Variants in TET1 observed in about 807,000 individuals in gnomAD.
TET1 encodes the protein tet methylcytosine dioxygenase 1, also known as methylcytosine dioxygenase TET1.
A neutral mutation model predicts 148.7 loss-of-function variants in TET1; 13 were observed. That is an observed-to-expected ratio of 0.09 (90% confidence interval 0.06 to 0.14). The LOEUF (loss-of-function observed/expected upper bound fraction) is 0.14. Among genes scored for constraint, TET1 ranks in the 10% least tolerant of loss-of-function variants. The pLI is 1.00. For missense variants in TET1, 2,182 were observed against 2,553.8 expected (o/e 0.85, Z 3.14); for synonymous variants, 907 against 937.2 (o/e 0.97, Z 0.59).
chr10:68,640,773 T>A (rs574173149), intron 3 of TET1, among the ~76,000 whole-genome samples: 3 of 151,062 alleles, frequency 2.0e-5, no homozygotes, highest in Non-Finnish European at 4.4e-5. Flanking sequence ...GGATGGTCTC[T>A]ATCTCCTGAC....
chr10:68,568,873 A>G (rs2053635668), intron 1 of TET1, among the ~76,000 whole-genome samples: 1 of 151,946 alleles, frequency 6.6e-6, no homozygotes, highest in African/African-American at 2.4e-5. Context: ...AAAGAAAAAG[A>G]CCTGTGGGAT....
At chr10:68,591,691 A>C (rs1402151237) in intron 2 of TET1, among the ~76,000 whole-genome samples, 1 of 151,996 alleles carries the variant, frequency 6.6e-6, no homozygotes, top group Non-Finnish European at 1.5e-5. Flanking sequence ...TCATGAGATC[A>C]GGAGATTGAG....
intron 5 of TET1, among the ~76,000 whole-genome samples, chr10:68,652,229 G>A (rs1332107423): frequency 1.3e-5 from 2 of 152,166 alleles, no homozygotes; most frequent in African/African-American, 4.8e-5. Context: ...TACCACCCTT[G>A]ACACTGCATA....
At chr10:68,610,142 G>A (rs866752023) in intron 3 of TET1, among the ~76,000 whole-genome samples, 2 of 152,036 alleles carry the variant, frequency 1.3e-5, no homozygotes, top group Non-Finnish European at 2.9e-5. Flanking sequence ...AATTAGCCAG[G>A]CGTGGTGGCG....
intron 3 of TET1, among the ~76,000 whole-genome samples, chr10:68,628,960 G>T (rs1000567907): frequency 2.6e-5 from 4 of 152,164 alleles, no homozygotes; most frequent in African/African-American, 9.7e-5. Context: ...CTGACTTTGT[G>T]ATTTCATTTC....
intron 2 of TET1, among the ~76,000 whole-genome samples, chr10:68,583,528 T>A (rs7912984): frequency 0.34 from 51,928 of 152,050 alleles, 9,177 homozygotes; most frequent in Middle Eastern, 0.44. Flanking sequence ...AAGAGAAATT[T>A]TGCTTTTTAC....
intron 3 of TET1, among the ~76,000 whole-genome samples, chr10:68,612,121 A>G (rs2054225169): frequency 7.0e-6 from 1 of 143,166 alleles, no homozygotes; most frequent in Non-Finnish European, 1.5e-5. Context: ...ACAGAGTCTC[A>G]CTCTGTCACC....
At chr10:68,610,237 T>C (rs1589073521) in intron 3 of TET1, among the ~76,000 whole-genome samples, 1 of 151,694 alleles carries the variant, frequency 6.6e-6, no homozygotes, top group East Asian at 1.9e-4. Flanking sequence ...GAGCTGATAT[T>C]GCGCCACTGC....
rs10998282 is a variant in TET1, at chr10:68,567,451, C to T, written c.-122-4766C>T. On this transcript the variant is annotated intron_variant, in intron 1 of 11. Transcript: ENST00000373644. ...CTGGGATTACAGGCATATACCACCA[C>T]GCCCGGCTAATTTTGTATTTTTAGT... Among the ~76,000 whole-genome samples the T allele has an allele frequency of 3.7e-3, 566 of 151,860 alleles. 4 individuals carry two copies. Among genetic ancestry groups the T allele is most frequent in the African/African-American group, 0.013 (536 of 41,408 alleles).
chr10:68,634,740 A>G (rs766082268), intron 3 of TET1, among the ~76,000 whole-genome samples: 1 of 152,144 alleles, frequency 6.6e-6, no homozygotes, highest in Non-Finnish European at 1.5e-5. Context: ...GTACATAATA[A>G]TAGGTATTCA....
At position 68,689,652 on chromosome 10, in the gene TET1, G is replaced by A. The variant is rs1261274164; in HGVS notation, c.5405-1156G>A. Among the ~76,000 whole-genome samples, 6 of 152,070 alleles carry A rather than the reference G, an allele frequency of 3.9e-5. No individual in the cohort carries two copies. In the East Asian group the frequency reaches 5.8e-4, roughly 15 times the overall value. On this transcript the variant is annotated intron_variant, in intron 11 of 11. Coordinates refer to ENST00000373644, the MANE Select transcript of TET1 (RefSeq NM_030625.3). ...TTAGCTGGGTGTGGTGGTGGTGTGC[G>A]CTTGTAGTCCCAGCTACTCGGGAGG...
chr10:68,582,421 A>G (rs1240865503), intron 2 of TET1, among the ~76,000 whole-genome samples: 1 of 152,168 alleles, frequency 6.6e-6, no homozygotes, highest in Non-Finnish European at 1.5e-5. Flanking sequence ...AAGTCAGCTA[A>G]TGTGCCATGT....
At chr10:68,576,410 T>C (rs1426238724) in intron 2 of TET1, among the ~76,000 whole-genome samples, 1 of 150,444 alleles carries the variant, frequency 6.6e-6, no homozygotes, top group Non-Finnish European at 1.5e-5. Context: ...GTCTGTAATC[T>C]CAGCACTTTG....
chr10:68,676,481 C>T (rs1041733000), intron 8 of TET1, among the ~76,000 whole-genome samples: 3 of 150,792 alleles, frequency 2.0e-5, no homozygotes, highest in Admixed American at 1.3e-4. Context: ...GATGGGGTTT[C>T]ACTAGGATGA....
chr10:68,607,769 C>T (rs551562113), intron 3 of TET1, among the ~76,000 whole-genome samples: 209 of 147,394 alleles, frequency 1.4e-3, no homozygotes, highest in African/African-American at 4.8e-3. Context: ...CTTGCAATGT[C>T]ATTCATATAT....
chr10:68,622,564 C>A (rs574739806), intron 3 of TET1, among the ~76,000 whole-genome samples: 4 of 152,120 alleles, frequency 2.6e-5, no homozygotes, highest in African/African-American at 9.6e-5. Context: ...CCACACCCGG[C>A]CCCTCATTGC....
At chr10:68,637,134 G>T (rs1342917778) in intron 3 of TET1, among the ~76,000 whole-genome samples, 1 of 151,960 alleles carries the variant, frequency 6.6e-6, no homozygotes, top group Non-Finnish European at 1.5e-5. Flanking sequence ...AAGTAGCTGG[G>T]ATTACAGGCA....
At chr10:68,672,487 CAAAAAAAAAAAAAA>C (rs71483920) in intron 7 of TET1, among the ~76,000 whole-genome samples, 1 of 49,732 alleles carries the variant, frequency 2.0e-5, no homozygotes, top group Non-Finnish European at 3.2e-5. Flanking sequence ...GACCCCATCT[CAAAAAAAAAAAAAA>C]AAAAAAAAAA....
intron 3 of TET1, among the ~76,000 whole-genome samples, chr10:68,613,887 G>A (rs1362622644): frequency 2.0e-5 from 3 of 151,086 alleles, no homozygotes; most frequent in Admixed American, 6.6e-5. Context: ...GCAGTGAGCC[G>A]AGATCGTGCC....
Sources: allele counts gnomAD v4.1 joint callset (sites outside exome capture counted in the v4.1 genomes callset), GRCh38; gene constraint gnomAD v4.1.1; transcripts MANE v1.5; gene names NCBI Gene and HGNC (gene_info 2026-07-23, HGNC 2026-07-21).